The following NCAPD3 variants were observed in gnomAD, a reference collection of about 807,000 sequenced individuals.
NCAPD3 encodes the protein condensin-2 complex subunit D3.
A neutral mutation model predicts 182.9 loss-of-function variants in NCAPD3; 105 were observed. The observed-to-expected ratio is 0.57, with a 90% CI of 0.49 to 0.68. The LOEUF (loss-of-function observed/expected upper bound fraction) is 0.68, where lower values mean the gene tolerates loss of function less well. Among genes scored for constraint, NCAPD3 ranks in the 30% least tolerant of loss-of-function variants. The pLI, the probability that NCAPD3 is intolerant of heterozygous loss-of-function variation, is 0.00. For missense variants in NCAPD3, 1,944 were observed against 1,837.0 expected, an observed-to-expected ratio of 1.06 and a Z score of -1.07; for synonymous variants, 815 against 679.9, an observed-to-expected ratio of 1.20 and a Z score of -3.09.
At chr11:134,164,276 CTG>C (rs1228779437) in intron 27 of NCAPD3, among the ~76,000 whole-genome samples, 1 of 152,184 alleles carries the variant, frequency 6.6e-6, no homozygotes, top group Non-Finnish European at 1.5e-5. Context: ...GCACCATAAA[CTG>C]TGGGAGAAAG....
intron 24 of NCAPD3, among the ~76,000 whole-genome samples, chr11:134,171,682 CT>C: frequency 6.6e-6 from 1 of 152,312 alleles, no homozygotes; most frequent in South Asian, 2.1e-4. Context: ...TGTCTAGACC[CT>C]GGTCATCCCT....
At chr11:134,209,752 C>T (rs1172523143) in intron 4 of NCAPD3, 1 of 359,366 alleles carries the variant, frequency 2.8e-6, no homozygotes, top group Non-Finnish European at 5.0e-6. Flanking sequence ...TGTCATTCTA[C>T]CGTGTCACAT....
chr11:134,154,517 C>A (rs1358770105), intron 32 of NCAPD3, among the ~76,000 whole-genome samples: 1 of 138,720 alleles, frequency 7.2e-6, no homozygotes, highest in Non-Finnish European at 1.6e-5. Flanking sequence ...ACATGCCACC[C>A]TGTCTTGGAG....
chr11:134,218,217 C>G (rs1327475226), intron 2 of NCAPD3, among the ~76,000 whole-genome samples: 1 of 151,304 alleles, frequency 6.6e-6, no homozygotes, highest in Non-Finnish European at 1.5e-5. Context: ...TCACCCTAAA[C>G]CATCTGCTCA....
intron 29 of NCAPD3, among the ~76,000 whole-genome samples, 191 bp from the exon 30 acceptor site, chr11:134,158,686 T>G (rs889843649): frequency 6.6e-6 from 1 of 152,162 alleles, no homozygotes; most frequent in African/African-American, 2.4e-5. Context: ...GTTGGGAACA[T>G]TCCAATTCTT....
chr11:134,165,842 C>CA (rs1565524482), intron 27 of NCAPD3, among the ~76,000 whole-genome samples: 2 of 122,232 alleles, frequency 1.6e-5, no homozygotes, highest in African/African-American at 3.2e-5. Context: ...GGCGCACACT[C>CA]GTGAGATGAG....
In NCAPD3 at chr11:134,158,435, G is replaced by A. The variant is rs1373479469; in HGVS notation, c.3928C>T (p.Pro1310Ser). The stretch of plus-strand genomic sequence containing the variant: ...GGTGTGCAGGGCTGGCTCACGGCAG[G>A]TGACATGGCAGGGTTTTCTTGGCCA... ...PAGQENPAMS[P>S]AVSQPCTPRA... is the part of the protein sequence containing the mutation. The change falls in exon 30 of 35, where the codon CCT (proline) becomes TCT (serine). Residue 1310 changes from proline (P) to serine (S), a missense_variant. Pro to Ser is a moderately conservative substitution (Grantham distance 74). This residue lies in a region of NCAPD3 where 1,803 missense variants were observed against 1,674.6 expected (regional missense o/e 1.08). Coordinates refer to ENST00000534548, the MANE Select transcript of NCAPD3 (RefSeq NM_015261.3). 6.2e-6 allele frequency: 10 copies of A among 1,614,092 alleles called. No individual in the cohort carries two copies. Among genetic ancestry groups the A allele is most frequent in the Admixed American group, 1.7e-5 (1 of 60,008 alleles).
At position 134,206,583 on chromosome 11, in the gene NCAPD3, G is replaced by T; in HGVS notation, c.1016+16C>A. The T allele has an allele frequency of 6.2e-7, 1 of 1,613,108 alleles. No individual in the cohort carries two copies. Among genetic ancestry groups the T allele is most frequent in the Non-Finnish European group, 8.5e-7 (1 of 1,179,576 alleles). On this transcript the variant is annotated intron_variant, in intron 8 of 34. Coordinates refer to ENST00000534548, the MANE Select transcript of NCAPD3 (RefSeq NM_015261.3). ...GGAGACTGACAGGGTGAAAATTCAC[G>T]ATTTGTGTGCTTCACCTGATAAACT...
chr11:134,224,000 C>G, upstream of NCAPD3: 10 of 1,546,392 alleles, frequency 6.5e-6, no homozygotes, highest in Non-Finnish European at 8.8e-6. Flanking sequence ...CCGAGTCGTT[C>G]CTGTGGACCA....
chr11:134,155,513 C>T (rs943547558), intron 32 of NCAPD3, among the ~76,000 whole-genome samples: 5 of 152,158 alleles, frequency 3.3e-5, no homozygotes, highest in South Asian at 2.1e-4. Context: ...TCAATGACAC[C>T]GGGCGCCTGA....
chr11:134,183,408 A>G (rs1944337440), intron 19 of NCAPD3, among the ~76,000 whole-genome samples: 1 of 152,058 alleles, frequency 6.6e-6, no homozygotes, highest in Non-Finnish European at 1.5e-5. Flanking sequence ...TCTCTACTAA[A>G]AATACAAAAA....
In NCAPD3 at chr11:134,157,049, G is replaced by A. The variant is rs35943668; in HGVS notation, c.4221C>T (p.His1407=). The change falls in exon 32 of 35, where the codon CAC becomes CAT. Residue 1407 remains histidine, a synonymous_variant. Coordinates refer to ENST00000534548, the MANE Select transcript of NCAPD3 (RefSeq NM_015261.3). ...LEQESNGEIE[H]VTKRAISTPE... ...GGGTGCTGATGGCCCGCTTGGTCAC[G>A]TGCTCAATCTCGCCATTCGACTCTT... The A allele has an allele frequency of 6.7e-5, 108 of 1,613,516 alleles. 1 individual carries two copies. Among genetic ancestry groups the A allele is most frequent in the South Asian group, 1.2e-4 (11 of 90,966 alleles).
intron 27 of NCAPD3, among the ~76,000 whole-genome samples, chr11:134,167,006 G>A (rs553022601): frequency 1.5e-3 from 179 of 117,112 alleles, no homozygotes; most frequent in South Asian, 2.4e-3. Flanking sequence ...GCTTAGGGGA[G>A]CTGCACACTC....
intron 32 of NCAPD3, 60 bp downstream of exon 32, chr11:134,156,958 A>G: frequency 7.0e-7 from 1 of 1,432,330 alleles, no homozygotes; most frequent in Non-Finnish European, 9.8e-7. Flanking sequence ...ACTCTAGCAA[A>G]CACATCACGA....
intron 13 of NCAPD3, among the ~76,000 whole-genome samples, chr11:134,202,535 G>A (rs1283002539): frequency 6.6e-6 from 1 of 151,846 alleles, no homozygotes; most frequent in Non-Finnish European, 1.5e-5. Flanking sequence ...ACACCACCAC[G>A]CCCAGCTGAT....
At chr11:134,163,157 G>C (rs375230584) in intron 27 of NCAPD3, among the ~76,000 whole-genome samples, 2 of 152,186 alleles carry the variant, frequency 1.3e-5, no homozygotes, top group African/African-American at 4.8e-5. Flanking sequence ...GAAGAATCAG[G>C]GTTTATTCAG....
intron 24 of NCAPD3, among the ~76,000 whole-genome samples, chr11:134,171,772 C>A (rs1427966723): frequency 1.3e-5 from 2 of 152,158 alleles, no homozygotes; most frequent in African/African-American, 2.4e-5. Flanking sequence ...ACAGCCAACT[C>A]TCAGGGCACT....
intron 25 of NCAPD3, 92 bp from the exon 26 acceptor site, chr11:134,168,694 G>A (rs1565528338): frequency 3.9e-6 from 6 of 1,542,240 alleles, no homozygotes. Context: ...AAAGCTGCAT[G>A]CCAAAGACTC....
intron 16 of NCAPD3, among the ~76,000 whole-genome samples, chr11:134,190,259 A>G (rs1944495740): frequency 6.6e-6 from 1 of 152,142 alleles, no homozygotes; most frequent in African/African-American, 2.4e-5. Context: ...CCTCCTATCC[A>G]ATGCTAGAAA....
Sources: gnomAD v4.1 joint callset for allele counts (sites outside exome capture counted in the v4.1 genomes callset) on GRCh38, gnomAD v4.1.1 for gene constraint, gnomAD v4.1.1 regional missense constraint, MANE v1.5 for transcripts, NCBI Gene and HGNC (gene_info 2026-07-23, HGNC 2026-07-21) for gene names.